TGFBR3: variants seen among roughly 807,000 people sequenced by gnomAD.
TGFBR3 encodes the protein transforming growth factor beta receptor 3.
In TGFBR3, 46 loss-of-function variants were observed where a neutral mutation model predicts 87.9. That is an observed-to-expected ratio of 0.52 (90% CI 0.41 to 0.67). The LOEUF is 0.67. Among genes scored for constraint, TGFBR3 ranks in the 30% least tolerant of loss-of-function variants. The pLI, the probability that TGFBR3 is intolerant of heterozygous loss-of-function variation, is 0.00. For synonymous variants in TGFBR3, 381 were observed against 391.6 expected, an observed-to-expected ratio of 0.97 and a Z score of 0.32; for missense variants, 866 against 1,041.9, an observed-to-expected ratio of 0.83 and a Z score of 2.32.
chr1:91,825,142 A>G, intron 2 of TGFBR3, among the ~76,000 whole-genome samples: 1 of 152,244 alleles, frequency 6.6e-6, no homozygotes, highest in East Asian at 1.9e-4. Flanking sequence ...ACTTCCCAGA[A>G]AAAAGGGAAA....
At chr1:91,875,511 AAAAAG>A (rs1159562331) in intron 1 of TGFBR3, among the ~76,000 whole-genome samples, 1 of 152,102 alleles carries the variant, frequency 6.6e-6, no homozygotes, top group African/African-American at 2.4e-5. Flanking sequence ...AAAAGACAAG[AAAAAG>A]AAAAGAAGAG....
rs370422701 is a variant in TGFBR3, at chr1:91,716,549, A to C, written c.1707+19T>G. The stretch of plus-strand genomic sequence containing the variant: ...AGACAGCATTTTCCACAAACCCCCT[A>C]CTGATAACAAACACATACCACCACG... On this transcript the variant is annotated intron_variant, in intron 11 of 16. Transcript: ENST00000212355. The C allele has an allele frequency of 1.9e-6, 3 of 1,613,944 alleles. No individual in the cohort carries two copies. The Admixed American group carries it at 5.0e-5, about 27-fold the overall frequency.
rs1490247176 is a variant in TGFBR3 at position 91,884,334 on chromosome 1, A to AT, written c.-114+1543dup. 5.6e-3 allele frequency among the ~76,000 whole-genome samples: 848 copies of AT among 151,824 alleles called. 4 individuals carry two copies. The highest frequency in any genetic ancestry group is 0.02 in the African/African-American group (815 of 41,326). ...ACTCTGTCACCAAAAAAAAAAAAAA[A>AT]TTTCCATGTTAATTAATACAAGTCA... is the stretch of plus-strand genomic sequence containing the variant. On this transcript the variant is annotated intron_variant, in intron 1 of 16. Transcript: ENST00000212355.
At chr1:91,887,040 A>G (rs920449163), upstream of TGFBR3, among the ~76,000 whole-genome samples, 3 of 152,090 alleles carry the variant, frequency 2.0e-5, no homozygotes, top group African/African-American at 7.2e-5. Flanking sequence ...AGTATACTTA[A>G]GTAACAGGAC....
chr1:91,764,489 T>A (rs1287436230), intron 3 of TGFBR3, among the ~76,000 whole-genome samples: 1 of 152,026 alleles, frequency 6.6e-6, no homozygotes, highest in Non-Finnish European at 1.5e-5. Context: ...CTACAGGTCA[T>A]GACCTTCTAA....
chr1:91,780,298 T>C (rs1203545928), intron 3 of TGFBR3, among the ~76,000 whole-genome samples: 1 of 152,164 alleles, frequency 6.6e-6, no homozygotes, highest in African/African-American at 2.4e-5. Context: ...GCTTTTCCCT[T>C]TTACATGAGA....
intron 2 of TGFBR3, among the ~76,000 whole-genome samples, chr1:91,831,938 T>G (rs1676868274): frequency 6.6e-6 from 1 of 152,230 alleles, no homozygotes; most frequent in Non-Finnish European, 1.5e-5. Context: ...GGAATTTAAT[T>G]AACATAGAAA....
intron 2 of TGFBR3, among the ~76,000 whole-genome samples, chr1:91,812,781 T>G (rs1277329784): frequency 6.6e-6 from 1 of 152,124 alleles, no homozygotes; most frequent in Admixed American, 6.5e-5. Flanking sequence ...GCCCAGCTAA[T>G]TTTTGTAGTT....
chr1:91,811,439 A>C (rs1454937690), intron 2 of TGFBR3, among the ~76,000 whole-genome samples: 1 of 152,202 alleles, frequency 6.6e-6, no homozygotes, highest in Non-Finnish European at 1.5e-5. Context: ...TTAAACCAAT[A>C]ATTTGCATTA....
chr1:91,898,467 C>T (rs1003599430), intron 2 of TGFBR3, among the ~76,000 whole-genome samples: 1 of 152,004 alleles, frequency 6.6e-6, no homozygotes, highest in Non-Finnish European at 1.5e-5. Context: ...GATGGAGTCT[C>T]GCTCTGTCAC....
rs190543120 is a variant in TGFBR3, at chr1:91,772,147, G to C, written c.247-13397C>G. On this transcript the variant is annotated intron_variant, in intron 3 of 16. Transcript: ENST00000212355. ...CAAGCTTAACCAGTTAATGAAAGAC[G>C]ATCATTTGCTTTTCAGAGACATAGA... 2.0e-4 allele frequency among the ~76,000 whole-genome samples: 30 copies of C among 152,236 alleles called. No homozygotes were observed. In the East Asian group the frequency reaches 5.6e-3, roughly 28 times the overall value.
At position 91,712,285 on chromosome 1, in the gene TGFBR3, C is replaced by T. The variant is rs199724223; in HGVS notation, c.2124G>A (p.Thr708=). The change falls in exon 13 of 17, where the codon ACG becomes ACA. Residue 708 remains threonine, a synonymous_variant. Transcript: ENST00000212355. The part of the protein sequence containing the change: ...TSLLFLQCEL[T]LCTKMEKHPQ... ...GGTGCTTCTCCATCTTCGTACACAG[C>T]GTCAGCTCACACTGTAGAAAGAGCA... The T allele has an allele frequency of 4.5e-5, 73 of 1,614,158 alleles. No homozygotes were observed. Among genetic ancestry groups the T allele is most frequent in the Non-Finnish European group, 5.5e-5 (65 of 1,180,024 alleles).
Position 91,729,871 on chromosome 1 carries a change from G to A in TGFBR3, c.671C>T (p.Ser224Phe), listed in dbSNP as rs150076618. Residue 224 changes from serine to phenylalanine, a missense_variant, in exon 6 of 17, where the codon TCC (serine) becomes TTC (phenylalanine). By Grantham distance (155) the Ser-to-Phe change is radical. Transcript: ENST00000212355. ...TACTTCCTCATTCTGGGGCTGGCTG[G>A]ACATCACACACCCTTCTGCTGCTTT... is the stretch of plus-strand genomic sequence containing the variant. Reference protein sequence around the residue: ...QPKAAEGCVMSSQPQNEEVHI... With the variant: ...QPKAAEGCVMFSQPQNEEVHI... 1.3e-4 allele frequency: 208 copies of A among 1,614,154 alleles called. No homozygotes were observed. The African/African-American group carries it at 2.7e-3, about 21-fold the overall frequency.
chr1:91,755,711 A>G (rs181927124), intron 4 of TGFBR3, among the ~76,000 whole-genome samples: 1 of 152,368 alleles, frequency 6.6e-6, no homozygotes, highest in African/African-American at 2.4e-5. Context: ...AGCAAAATTA[A>G]AGCAAATTAA....
chr1:91,831,644 T>C (rs1013319238), intron 2 of TGFBR3, among the ~76,000 whole-genome samples: 3 of 152,248 alleles, frequency 2.0e-5, no homozygotes, highest in Non-Finnish European at 4.4e-5. Context: ...CACTGTAGTT[T>C]ATTACAGGCC....
At chr1:91,888,070 G>T (rs117405896), upstream of TGFBR3, among the ~76,000 whole-genome samples, 49 of 152,264 alleles carry the variant, frequency 3.2e-4, no homozygotes, top group East Asian at 8.9e-3. Flanking sequence ...GAATCTTGGG[G>T]ATGAGTTTTT....
intron 1 of TGFBR3, among the ~76,000 whole-genome samples, chr1:91,862,688 A>G (rs1678246078): frequency 6.6e-6 from 1 of 152,222 alleles, no homozygotes; most frequent in Non-Finnish European, 1.5e-5. Context: ...CACAACTCAC[A>G]GAAGTTCAAT....
intron 1 of TGFBR3, 87 bp from the exon 2 acceptor site, chr1:91,861,731 G>A: frequency 1.6e-6 from 1 of 622,554 alleles, no homozygotes. Flanking sequence ...TTTCTGAAAA[G>A]CGTAATGTAA....
chr1:91,689,041 A>C (rs1212081099), intron 16 of TGFBR3, among the ~76,000 whole-genome samples: 1 of 152,088 alleles, frequency 6.6e-6, no homozygotes. Context: ...AAAACCATTA[A>C]ACACAGAGGT....
Sources: allele counts gnomAD v4.1 joint callset (sites outside exome capture counted in the v4.1 genomes callset), GRCh38; gene constraint gnomAD v4.1.1; transcripts MANE v1.5; gene names NCBI Gene and HGNC (gene_info 2026-07-23, HGNC 2026-07-21).